The following SLC9A8 variants were observed in gnomAD, a reference collection of about 807,000 sequenced individuals.
SLC9A8 encodes sodium/hydrogen exchanger 8.
In SLC9A8, 48 loss-of-function variants were observed where a neutral mutation model predicts 66.6. The observed-to-expected ratio is 0.72, with a 90% CI of 0.57 to 0.92. The LOEUF (loss-of-function observed/expected upper bound fraction) is 0.92, where lower values mean the gene tolerates loss of function less well. Ranked by LOEUF, SLC9A8 falls within the 40% of genes least tolerant of loss-of-function variation. The probability of loss-of-function intolerance (pLI) is 0.00; values close to 1 mark genes in which losing one functional copy is unlikely to be tolerated. For synonymous variants in SLC9A8, 274 were observed against 282.6 expected, an observed-to-expected ratio of 0.97 and a Z score of 0.31; for missense variants, 599 against 747.3, an observed-to-expected ratio of 0.80 and a Z score of 2.31.
At chr20:49,869,842 AT>A (rs1434495853) in intron 10 of SLC9A8, among the ~76,000 whole-genome samples, 8 of 144,338 alleles carry the variant, frequency 5.5e-5, no homozygotes, top group Admixed American at 1.4e-4. Flanking sequence ...AAAAAAAAAA[AT>A]AAAATAAAAA....
intron 12 of SLC9A8, among the ~76,000 whole-genome samples, chr20:49,880,518 C>T (rs1247439651): frequency 6.6e-6 from 1 of 152,160 alleles, no homozygotes; most frequent in Non-Finnish European, 1.5e-5. Flanking sequence ...TCCCCCTAGT[C>T]CTGGTATGAT....
At chr20:49,820,308 C>T (rs1016366852) in intron 2 of SLC9A8, among the ~76,000 whole-genome samples, 4 of 151,390 alleles carry the variant, frequency 2.6e-5, no homozygotes, top group African/African-American at 4.9e-5. Flanking sequence ...GGCAATATGG[C>T]GAAACCCTGT....
intron 8 of SLC9A8, among the ~76,000 whole-genome samples, chr20:49,860,337 G>A (rs1254572614): frequency 2.0e-5 from 3 of 152,142 alleles, no homozygotes; most frequent in Non-Finnish European, 4.4e-5. Context: ...CCTTTATTAT[G>A]TTATTTTGGG....
chr20:49,845,903 C>T (rs966444539), intron 5 of SLC9A8, among the ~76,000 whole-genome samples: 2 of 152,074 alleles, frequency 1.3e-5, no homozygotes, highest in East Asian at 3.9e-4. Flanking sequence ...GGCATGATCT[C>T]GGCTCACTGC....
At position 49,845,121 on chromosome 20, in the gene SLC9A8, T is replaced by C. The variant is rs571870756; in HGVS notation, c.432+2T>C. 1 of 1,604,632 alleles carries C rather than the reference T, an allele frequency of 6.2e-7. No homozygotes were observed. The highest frequency in any genetic ancestry group is 2.2e-5 in the East Asian group (1 of 44,834). ...GAGTCTGGATATTCATTACACAAGG[T>C]GAGACTCAGGCACACATTGGTGCTT... On this transcript the variant is annotated splice_donor_variant, in intron 5 of 15. Transcript: ENST00000361573. LOFTEE classifies it high-confidence loss of function.
Position 49,836,920 on chromosome 20 carries a change from G to A in SLC9A8, c.290-2621G>A, listed in dbSNP as rs187019013. ...TAAAATCACTAAGCTAAAGGGAAAG[G>A]TCAATCTGGGAGCTGCTTAGGACAA... On this transcript the variant is annotated intron_variant, in intron 3 of 15. Coordinates refer to ENST00000361573, the MANE Select transcript of SLC9A8 (RefSeq NM_015266.3). Among the ~76,000 whole-genome samples, 12 of 152,266 alleles carry A rather than the reference G, an allele frequency of 7.9e-5. No homozygotes were observed. In the East Asian group the frequency reaches 2.1e-3, roughly 27 times the overall value.
rs2146638159 is a variant in SLC9A8 at position 49,855,483 on chromosome 20, T to G, written c.615T>G (p.Thr205=). 1 of 1,614,112 alleles carries G rather than the reference T, an allele frequency of 6.2e-7. No individual in the cohort carries two copies. The highest frequency in any genetic ancestry group is 2.2e-5 in the East Asian group (1 of 44,882). ...SLISAVDPVA[T]IAIFNALHVD... ...TATCTGCTGTCGATCCAGTGGCCAC[T>G]ATTGCCATTTTCAATGCACTTCATG... The change falls in exon 8 of 16, where the codon ACT becomes ACG. Residue 205 remains threonine (T), a synonymous_variant. Transcript: ENST00000361573.
At chr20:49,839,777 A>G (rs1437169500) in intron 4 of SLC9A8, among the ~76,000 whole-genome samples, 178 bp downstream of exon 4, 1 of 152,186 alleles carries the variant, frequency 6.6e-6, no homozygotes, top group East Asian at 1.9e-4. Context: ...TTGCAAAAGC[A>G]TAAGTCTCAT....
chr20:49,885,023 A>G (rs1036269449), intron 14 of SLC9A8, among the ~76,000 whole-genome samples: 16 of 152,208 alleles, frequency 1.1e-4, no homozygotes, highest in Non-Finnish European at 2.4e-4. Flanking sequence ...CACGGCTAAC[A>G]CTGGAGTCAG....
chr20:49,867,580 T>A (rs180770660), intron 10 of SLC9A8, among the ~76,000 whole-genome samples: 2 of 152,320 alleles, frequency 1.3e-5, no homozygotes, highest in Admixed American at 1.3e-4. Flanking sequence ...ACAGTAGATG[T>A]CCAAGAGCTC....
chr20:49,833,618 A>T (rs2087305837), intron 3 of SLC9A8, among the ~76,000 whole-genome samples: 1 of 152,216 alleles, frequency 6.6e-6, no homozygotes, highest in South Asian at 2.1e-4. Context: ...GCAGTAGTGC[A>T]GTCTCCTGTG....
chr20:49,862,159 T>C (rs1437586190), intron 8 of SLC9A8, among the ~76,000 whole-genome samples: 1 of 151,578 alleles, frequency 6.6e-6, no homozygotes, highest in Non-Finnish European at 1.5e-5. Flanking sequence ...ATGCATGGGC[T>C]CTCTTCCTTT....
intron 3 of SLC9A8, among the ~76,000 whole-genome samples, chr20:49,834,485 T>TGTGTATATATATATATACA (rs2087451457): frequency 1.9e-5 from 2 of 102,690 alleles, no homozygotes; most frequent in African/African-American, 3.7e-5. Flanking sequence ...ATATATATAC[T>TGTGTATATATATATATACA]GTATATATAC....
chr20:49,815,146 G>A lies in SLC9A8; in HGVS notation c.165G>A (p.Glu55=). ...VQTGEQAQQE[E]QSSGMTIFFS... The stretch of plus-strand genomic sequence containing the variant: ...CAGGGGAGCAGGCCCAGCAAGAGGA[G>A]CAGTCCAGCGGCATGACCATTTTCT... Residue 55 remains glutamate (E), a synonymous_variant, in exon 2 of 16, where the codon GAG becomes GAA. Transcript: ENST00000361573. The A allele has an allele frequency of 6.2e-7, 1 of 1,603,360 alleles. No homozygotes were observed. The highest frequency in any genetic ancestry group is 1.1e-5 in the South Asian group (1 of 89,328).
intron 14 of SLC9A8, among the ~76,000 whole-genome samples, chr20:49,884,336 A>ACACACACACACACACAC: frequency 1.8e-5 from 2 of 108,520 alleles, no homozygotes; most frequent in South Asian, 3.1e-4. Flanking sequence ...ACACACACAC[A>ACACACACACACACACAC]CCCCCCGGTC....
intron 10 of SLC9A8, among the ~76,000 whole-genome samples, chr20:49,869,572 A>G (rs1447466438): frequency 6.6e-6 from 1 of 150,718 alleles, no homozygotes; most frequent in East Asian, 2.0e-4. Flanking sequence ...AGTGGCTCAC[A>G]CCTATAATCC....
In SLC9A8 at chr20:49,880,846, G is replaced by C. The variant is rs185187980; in HGVS notation, c.1159-78G>C. ...TTGTACTGGATGTGTTACACAGTCT[G>C]CATTAGCTTCATCCAAGAAGCTTCA... On this transcript the variant is annotated intron_variant, in intron 12 of 15. Coordinates refer to ENST00000361573, the MANE Select transcript of SLC9A8 (RefSeq NM_015266.3). 6.5e-6 allele frequency: 6 copies of C among 922,650 alleles called. No individual in the cohort carries two copies. In the Admixed American group the frequency reaches 1.0e-4, roughly 16 times the overall value. The allele number at this position is 922,650 out of a possible 1,614,324, so 57.2% of individuals were successfully genotyped here.
chr20:49,827,700 C>T (rs2086969449), intron 3 of SLC9A8, among the ~76,000 whole-genome samples: 1 of 151,902 alleles, frequency 6.6e-6, no homozygotes, highest in Non-Finnish European at 1.5e-5. Flanking sequence ...TTCCCCCAAC[C>T]CCAAAAATCA....
In SLC9A8 at chr20:49,819,625, T is replaced by G. The variant is rs911983632; in HGVS notation, c.209-3436T>G. Among the ~76,000 whole-genome samples the G allele has an allele frequency of 2.6e-5, 4 of 152,192 alleles. No individual in the cohort carries two copies. In the South Asian group the frequency reaches 8.3e-4, roughly 32 times the overall value. On this transcript the variant is annotated intron_variant, in intron 2 of 15. Coordinates refer to ENST00000361573, the MANE Select transcript of SLC9A8 (RefSeq NM_015266.3). Reference sequence around the variant, plus strand: ...AGCATCTAGTACATTCACAATGTTGTGCAGCTATCACTACTATCTAGTTTC... The same window carrying G: ...AGCATCTAGTACATTCACAATGTTGGGCAGCTATCACTACTATCTAGTTTC...
Sources: allele counts gnomAD v4.1 joint callset (sites outside exome capture counted in the v4.1 genomes callset), GRCh38; gene constraint gnomAD v4.1.1; transcripts MANE v1.5; gene names NCBI Gene and HGNC (gene_info 2026-07-23, HGNC 2026-07-21).